CEMIP: variants seen among roughly 807,000 people sequenced by gnomAD.
CEMIP encodes cell migration-inducing and hyaluronan-binding protein.
In CEMIP, 105 loss-of-function variants were observed where a neutral mutation model predicts 156.9. The ratio of observed to expected loss-of-function variants is 0.67; its 90% confidence interval spans 0.57 to 0.79. The LOEUF (loss-of-function observed/expected upper bound fraction) is 0.79. Among genes scored for constraint, CEMIP ranks in the 30% least tolerant of loss-of-function variants. The pLI, the probability that CEMIP is intolerant of heterozygous loss-of-function variation, is 0.00. For synonymous variants in CEMIP, 676 were observed against 668.4 expected (o/e 1.01, Z -0.17); for missense variants, 1,457 against 1,769.4 (o/e 0.82, Z 3.17).
intron 1 of CEMIP, among the ~76,000 whole-genome samples, chr15:80,845,644 A>C (rs757785062): frequency 6.6e-6 from 1 of 152,230 alleles, no homozygotes; most frequent in Non-Finnish European, 1.5e-5. Context: ...GAAAACAGAC[A>C]GTTCTATGAA....
intron 1 of CEMIP, among the ~76,000 whole-genome samples, chr15:80,820,292 G>A (rs1468377686): frequency 6.6e-6 from 1 of 152,170 alleles, no homozygotes; most frequent in East Asian, 1.9e-4. Flanking sequence ...TAAATACCGT[G>A]AGTCACATGT....
intron 1 of CEMIP, among the ~76,000 whole-genome samples, chr15:80,861,343 T>G (rs910801335): frequency 6.6e-6 from 1 of 152,166 alleles, no homozygotes; most frequent in Admixed American, 6.5e-5. Flanking sequence ...CCCACACCCA[T>G]GCTTTCAGGA....
chr15:80,948,905 TGAA>T lies in CEMIP; in HGVS notation c.4078_4080del (p.Lys1360del), dbSNP rs200201338. 0.017 allele frequency: 27,506 copies of T among 1,614,116 alleles called. 306 individuals carry two copies. Among genetic ancestry groups the T allele is most frequent in the Non-Finnish European group, 0.021 (25,057 of 1,179,980 alleles). ...TTCCAAGTTGTGCCCATCCCTGTGG[TGAA>T]GAAGAAGAAGTTGTGAGGACAGCTG... On this transcript the variant is annotated inframe_deletion, in exon 30 of 30. Transcript: ENST00000394685.
At chr15:80,941,802 AG>A in intron 25 of CEMIP, 46 bp from the exon 26 acceptor site, 1 of 1,544,260 alleles carries the variant, frequency 6.5e-7, no homozygotes, top group East Asian at 2.2e-5. Flanking sequence ...GAGAAGAGGG[AG>A]GTTTGAGTGT....
At chr15:80,851,871 C>T (rs1293873984) in intron 1 of CEMIP, among the ~76,000 whole-genome samples, 1 of 152,056 alleles carries the variant, frequency 6.6e-6, no homozygotes, top group Non-Finnish European at 1.5e-5. Flanking sequence ...ACAAGATTTG[C>T]CTTTGAGAAA....
chr15:80,889,605 C>A lies in CEMIP; in HGVS notation c.1086+13C>A, dbSNP rs376313030. 43 of 1,613,828 alleles carry A rather than the reference C, an allele frequency of 2.7e-5. No homozygotes were observed. Among genetic ancestry groups the A allele is most frequent in the Non-Finnish European group, 3.6e-5 (42 of 1,179,880 alleles). ...CATTGATATACAGGTACCAAACTCACAGCAAAAATAGAAAATAGAAATGTG... is the reference window on the plus strand; with the variant it reads ...CATTGATATACAGGTACCAAACTCAAAGCAAAAATAGAAAATAGAAATGTG... On this transcript the variant is annotated intron_variant, in intron 10 of 29. Transcript: ENST00000394685.
chr15:80,788,140 T>G (rs1596087917), intron 1 of CEMIP, among the ~76,000 whole-genome samples: 1 of 151,758 alleles, frequency 6.6e-6, no homozygotes, highest in East Asian at 1.9e-4. Flanking sequence ...CCAAAAGGAG[T>G]GCATAGAGGA....
intron 12 of CEMIP, chr15:80,897,211 G>C (rs557284213): frequency 2.4e-3 from 1,071 of 454,374 alleles, no homozygotes; most frequent in Non-Finnish European, 3.4e-3. Context: ...TATGGGGTTG[G>C]GAGAAAGACC....
intron 1 of CEMIP, among the ~76,000 whole-genome samples, chr15:80,799,538 A>G (rs4778856): frequency 0.43 from 66,008 of 152,116 alleles, 16,168 homozygotes; most frequent in East Asian, 0.63. Flanking sequence ...ATGGAATAGA[A>G]CTACCCTGCA....
chr15:80,826,334 T>C (rs911428065), intron 1 of CEMIP, among the ~76,000 whole-genome samples: 2 of 152,226 alleles, frequency 1.3e-5, no homozygotes, highest in African/African-American at 4.8e-5. Flanking sequence ...TCCTGGTGCA[T>C]AGTAACCTTT....
chr15:80,920,931 T>C lies in CEMIP; in HGVS notation c.2004-101T>C, dbSNP rs564814755. 3.4e-6 allele frequency: 3 copies of C among 878,778 alleles called. No homozygotes were observed. The South Asian group carries it at 4.1e-5, about 12-fold the overall frequency. The allele number at this position is 878,778 out of a possible 1,614,324, so 54.4% of individuals were successfully genotyped here. A position where few individuals can be genotyped will look rare whatever the true frequency, so the allele number is the denominator to read the frequency against. ...ATTTCTCAGATCTCTGATAAGAGACTATCAGGCCAATATCAGAGTGCCCAA... is the reference window on the plus strand; with the variant it reads ...ATTTCTCAGATCTCTGATAAGAGACCATCAGGCCAATATCAGAGTGCCCAA... On this transcript the variant is annotated intron_variant, in intron 15 of 29. Coordinates refer to ENST00000394685, the MANE Select transcript of CEMIP (RefSeq NM_001293298.2).
At chr15:80,900,648 G>GTGTGTGTGTC (rs1567090991) in intron 12 of CEMIP, among the ~76,000 whole-genome samples, 25 of 111,904 alleles carry the variant, frequency 2.2e-4, no homozygotes, top group African/African-American at 5.3e-4. Context: ...GTGTGTGTGT[G>GTGTGTGTGTC]TCTGTGTGTG....
chr15:80,892,365 T>G (rs991072879), intron 10 of CEMIP, among the ~76,000 whole-genome samples: 1 of 152,182 alleles, frequency 6.6e-6, no homozygotes, highest in Non-Finnish European at 1.5e-5. Flanking sequence ...AAAATTATAA[T>G]AACAAAAACA....
At chr15:80,848,337 T>A (rs1482901046) in intron 1 of CEMIP, among the ~76,000 whole-genome samples, 5 of 152,156 alleles carry the variant, frequency 3.3e-5, no homozygotes, top group Non-Finnish European at 7.3e-5. Context: ...AGAGATTTAG[T>A]TCTGGACAGC....
At chr15:80,863,254 A>C (rs1438586439) in intron 1 of CEMIP, among the ~76,000 whole-genome samples, 1 of 152,250 alleles carries the variant, frequency 6.6e-6, no homozygotes, top group African/African-American at 2.4e-5. Flanking sequence ...TTTCTACTTC[A>C]AAATACACCC....
chr15:80,947,252 A>T, intron 29 of CEMIP, 187 bp downstream of exon 29: 1 of 559,468 alleles, frequency 1.8e-6, no homozygotes, highest in Non-Finnish European at 3.2e-6. Flanking sequence ...CCTGTTTACC[A>T]CCCCTGCACT....
chr15:80,831,041 C>T (rs1289989711), intron 1 of CEMIP, among the ~76,000 whole-genome samples: 1 of 152,178 alleles, frequency 6.6e-6, no homozygotes. Flanking sequence ...GAGGCAGTTA[C>T]CGTGCTGGGA....
chr15:80,921,142 G>A lies in CEMIP; in HGVS notation c.2073+41G>A, dbSNP rs774300956. On this transcript the variant is annotated intron_variant, in intron 16 of 29. Coordinates refer to ENST00000394685, the MANE Select transcript of CEMIP (RefSeq NM_001293298.2). ...CCTTCTTTGGCAGAAAGTGAGGGTG[G>A]GGGCTGGAGTCAGGGAGACAGCCGA... The A allele has an allele frequency of 3.8e-6, 6 of 1,575,812 alleles. No individual in the cohort carries two copies. In the African/African-American group the frequency reaches 5.4e-5, roughly 14 times the overall value.
Position 80,906,758 on chromosome 15 carries a change from G to A in CEMIP, c.1507G>A (p.Glu503Lys), listed in dbSNP as rs1899823545. ...GAGCCGGAACATCATAGTGATGGGG[G>A]AGATGGAGGACAAATGCTACCCCTA... is the stretch of plus-strand genomic sequence containing the variant. Reference protein sequence around the residue: ...LLSRNIIVMGEMEDKCYPYRN... With the variant: ...LLSRNIIVMGKMEDKCYPYRN... The change falls in exon 13 of 30, where the codon GAG becomes AAG. Residue 503 changes from glutamate to lysine, a missense_variant. Transcript: ENST00000394685. The surrounding 1 kb of genome is among the most constrained non-coding windows in gnomAD (Gnocchi z 4.3). 1 of 1,614,088 alleles carries A rather than the reference G, an allele frequency of 6.2e-7. No individual in the cohort carries two copies. The highest frequency in any genetic ancestry group is 1.3e-5 in the African/African-American group (1 of 74,926).
Sources: allele counts gnomAD v4.1 joint callset (sites outside exome capture counted in the v4.1 genomes callset), GRCh38; gene constraint gnomAD v4.1.1; non-coding constraint Gnocchi (gnomAD v3.1); transcripts MANE v1.5; gene names NCBI Gene and HGNC (gene_info 2026-07-23, HGNC 2026-07-21).